NWD2: variants seen among roughly 807,000 people sequenced by gnomAD.
NWD2 encodes the protein NACHT and WD repeat domain containing 2, also known as NACHT and WD repeat domain-containing protein 2.
NWD2 carries 37 observed loss-of-function variants against 132.7 expected under a neutral mutation model. The observed-to-expected ratio is 0.28, with a 90% CI of 0.21 to 0.37. The LOEUF is 0.37. NWD2 is among the 10% of genes least tolerant of loss of function. The probability of loss-of-function intolerance (pLI) is 1.00; values close to 1 mark genes in which losing one functional copy is unlikely to be tolerated. For synonymous variants in NWD2, 705 were observed against 803.0 expected, an observed-to-expected ratio of 0.88 and a Z score of 2.06; for missense variants, 1,592 against 2,122.4, an observed-to-expected ratio of 0.75 and a Z score of 4.91.
intron 1 of NWD2, among the ~76,000 whole-genome samples, chr4:37,251,704 G>T (rs1037848109): frequency 4.5e-4 from 68 of 152,312 alleles, no homozygotes; most frequent in African/African-American, 1.6e-3. Context: ...AATTGCATTT[G>T]GACCCTAGCA....
At chr4:37,388,107 T>G (rs868542075) in intron 3 of NWD2, among the ~76,000 whole-genome samples, 60 of 152,110 alleles carry the variant, frequency 3.9e-4, no homozygotes, top group African/African-American at 1.4e-3. Context: ...TATTAATAAT[T>G]GTACCATATG....
intron 3 of NWD2, among the ~76,000 whole-genome samples, chr4:37,364,413 A>T (rs1029521782): frequency 6.6e-6 from 1 of 152,112 alleles, no homozygotes; most frequent in African/African-American, 2.4e-5. Context: ...CAATGGAGGC[A>T]GGTAAGAGGT....
At chr4:37,300,578 T>C (rs926558445) in intron 1 of NWD2, among the ~76,000 whole-genome samples, 17 of 152,128 alleles carry the variant, frequency 1.1e-4, no homozygotes, top group Admixed American at 9.8e-4. Flanking sequence ...AGTAACTTTA[T>C]TTACTTATAT....
intron 1 of NWD2, among the ~76,000 whole-genome samples, chr4:37,260,983 A>G (rs1717624671): frequency 6.6e-6 from 1 of 152,164 alleles, no homozygotes; most frequent in Non-Finnish European, 1.5e-5. Flanking sequence ...CCATTTTCTG[A>G]CTCAGTGACC....
intron 1 of NWD2, among the ~76,000 whole-genome samples, chr4:37,298,005 C>T (rs897973513): frequency 5.3e-5 from 8 of 152,082 alleles, no homozygotes; most frequent in African/African-American, 1.9e-4. Flanking sequence ...CACTGCAACA[C>T]GCCACAGGGA....
At chr4:37,333,212 C>G (rs1719330326) in intron 2 of NWD2, among the ~76,000 whole-genome samples, 2 of 152,168 alleles carry the variant, frequency 1.3e-5, no homozygotes, top group Admixed American at 6.5e-5. Flanking sequence ...TCACCACCTG[C>G]TGACTGTAAA....
At chr4:37,371,072 C>CTTTTTTTT (rs1309185055) in intron 3 of NWD2, among the ~76,000 whole-genome samples, 5 of 100,526 alleles carry the variant, frequency 5.0e-5, no homozygotes, top group Non-Finnish European at 7.5e-5. Context: ...ATTTTTTTTT[C>CTTTTTTTT]TTTTTCTTTT....
chr4:37,425,876 T>C lies in NWD2; in HGVS notation c.358-4696T>C, dbSNP rs373436731. On this transcript the variant is annotated intron_variant, in intron 3 of 6. Transcript: ENST00000309447. ...GCTGTGGCTGCCCTAAAGTCATTCA[T>C]GGATACTCCCCATGGCTGCAGATCT... Among the ~76,000 whole-genome samples, 4 of 152,192 alleles carry C rather than the reference T, an allele frequency of 2.6e-5. No homozygotes were observed. The South Asian group carries it at 6.2e-4, about 24-fold the overall frequency.
chr4:37,397,444 A>T (rs1720819216), intron 3 of NWD2, among the ~76,000 whole-genome samples: 1 of 152,192 alleles, frequency 6.6e-6, no homozygotes. Context: ...TCATCCAATC[A>T]GTTGAAGAGG....
chr4:37,268,456 G>T (rs1286527290), intron 1 of NWD2, among the ~76,000 whole-genome samples: 1 of 151,762 alleles, frequency 6.6e-6, no homozygotes, highest in Non-Finnish European at 1.5e-5. Flanking sequence ...CAAATTCATT[G>T]TTAACTAATA....
Position 37,447,557 on chromosome 4 carries a change from G to T in NWD2, c.*340G>T. The T allele has an allele frequency of 4.4e-6, 1 of 227,994 alleles. No individual in the cohort carries two copies. Among genetic ancestry groups the T allele is most frequent in the Non-Finnish European group, 8.7e-6 (1 of 115,160 alleles). 14.1% of individuals were successfully genotyped at this position (227,994 alleles called of 1,614,324 possible). On this transcript the variant is annotated 3_prime_UTR_variant, in exon 7 of 7. Coordinates refer to ENST00000309447, the MANE Select transcript of NWD2 (RefSeq NM_001144990.2). Reference sequence around the variant, plus strand: ...GGCTAGAGTTATATACAGATCATTTGGATGGGAATTAGTTCTACAAAAATC... The same window carrying T: ...GGCTAGAGTTATATACAGATCATTTTGATGGGAATTAGTTCTACAAAAATC...
chr4:37,328,017 C>T (rs1306189462), intron 2 of NWD2, among the ~76,000 whole-genome samples: 3 of 152,098 alleles, frequency 2.0e-5, no homozygotes, highest in African/African-American at 4.8e-5. Context: ...GGATTCTACT[C>T]ATTCTTAAGA....
At chr4:37,260,401 A>G (rs1717605222) in intron 1 of NWD2, among the ~76,000 whole-genome samples, 1 of 152,144 alleles carries the variant, frequency 6.6e-6, no homozygotes, top group South Asian at 2.1e-4. Flanking sequence ...AAACTCCCCA[A>G]CAGTGTTATT....
chr4:37,292,040 T>A (rs1354124429), intron 1 of NWD2, among the ~76,000 whole-genome samples: 1 of 144,094 alleles, frequency 6.9e-6, no homozygotes, highest in African/African-American at 3.0e-5. Flanking sequence ...CATCATTAAG[T>A]TTTTTTAGAA....
chr4:37,410,385 A>G (rs1464967169), intron 3 of NWD2, among the ~76,000 whole-genome samples: 1 of 152,210 alleles, frequency 6.6e-6, no homozygotes, highest in African/African-American at 2.4e-5. Flanking sequence ...CTTTAAACCA[A>G]CAAAGAACGA....
At chr4:37,304,345 G>A (rs1028749819) in intron 1 of NWD2, among the ~76,000 whole-genome samples, 3 of 151,940 alleles carry the variant, frequency 2.0e-5, no homozygotes, top group Admixed American at 2.0e-4. Context: ...GAGACACAGA[G>A]CCAAACCATA....
chr4:37,446,075 T>C lies in NWD2; in HGVS notation c.4087T>C (p.Cys1363Arg). Reference protein sequence around the residue: ...VFKHEGIVEHCVLTSTGDIMV... With the variant: ...VFKHEGIVEHRVLTSTGDIMV... ...CAAGCATGAAGGAATAGTTGAACAC[T>C]GTGTGTTAACATCCACCGGAGATAT... Residue 1363 changes from cysteine to arginine, a missense_variant, in exon 7 of 7, where the codon TGT becomes CGT. Physicochemically the swap from Cys to Arg is radical, Grantham distance 180 (BLOSUM62 -3). Transcript: ENST00000309447. This position sits in a 1 kb window ranked among gnomAD's most constrained non-coding sequence, Gnocchi z 6.7. 1 of 1,551,756 alleles carries C rather than the reference T, an allele frequency of 6.4e-7. No individual in the cohort carries two copies. The highest frequency in any genetic ancestry group is 8.7e-7 in the Non-Finnish European group (1 of 1,146,944).
intron 1 of NWD2, among the ~76,000 whole-genome samples, chr4:37,311,314 A>G (rs1305207606): frequency 6.6e-6 from 1 of 152,008 alleles, no homozygotes; most frequent in Non-Finnish European, 1.5e-5. Context: ...TGACTTTTTA[A>G]TGATTGCCAT....
intron 3 of NWD2, among the ~76,000 whole-genome samples, chr4:37,371,293 C>G (rs1330062703): frequency 6.6e-6 from 1 of 151,942 alleles, no homozygotes; most frequent in Non-Finnish European, 1.5e-5. Context: ...CCAGGCTGGT[C>G]TCGAACTCCT....
Sources: gnomAD v4.1 joint callset for allele counts (sites outside exome capture counted in the v4.1 genomes callset) on GRCh38, gnomAD v4.1.1 for gene constraint, Gnocchi (gnomAD v3.1) non-coding constraint, MANE v1.5 for transcripts, NCBI Gene and HGNC (gene_info 2026-07-23, HGNC 2026-07-21) for gene names.